The following GAB1 variants were observed in gnomAD, a reference collection of about 807,000 sequenced individuals.
GAB1 encodes the protein GRB2 associated binding protein 1.
GAB1 carries 19 observed loss-of-function variants against 66.5 expected under a neutral mutation model. The observed-to-expected ratio is 0.29, with a 90% CI of 0.20 to 0.42. The LOEUF is 0.42. Among genes scored for constraint, GAB1 ranks in the 10% least tolerant of loss-of-function variants. The pLI is 1.00. For synonymous variants in GAB1, 294 were observed against 301.4 expected, an observed-to-expected ratio of 0.98 and a Z score of 0.25; for missense variants, 732 against 858.5, an observed-to-expected ratio of 0.85 and a Z score of 1.84.
chr4:143,352,072 G>A (rs1560713934), intron 1 of GAB1, among the ~76,000 whole-genome samples: 1 of 152,170 alleles, frequency 6.6e-6, no homozygotes, highest in Non-Finnish European at 1.5e-5. Flanking sequence ...CTCTCTCCAA[G>A]GATCTGTTGT....
rs576320049 is a variant in GAB1, at chr4:143,453,226, A to G, written c.1586-6159A>G. Among the ~76,000 whole-genome samples the G allele has an allele frequency of 3.3e-5, 5 of 152,284 alleles. No individual in the cohort carries two copies. The East Asian group carries it at 9.6e-4, about 29-fold the overall frequency. ...TTTCCACATTTTAGCTTCTGCCCTAAAATTAACCTTAAGCTTTGCACAGAG... is the reference window on the plus strand; with the variant it reads ...TTTCCACATTTTAGCTTCTGCCCTAGAATTAACCTTAAGCTTTGCACAGAG... On this transcript the variant is annotated intron_variant, in intron 6 of 9. Coordinates refer to ENST00000262994, the MANE Select transcript of GAB1 (RefSeq NM_002039.4).
At chr4:143,390,036 A>C (rs181301438) in intron 1 of GAB1, among the ~76,000 whole-genome samples, 1 of 152,210 alleles carries the variant, frequency 6.6e-6, no homozygotes, top group African/African-American at 2.4e-5. Context: ...AGGCTCTTTC[A>C]TAATAAACAT....
chr4:143,388,086 C>A (rs538444073), intron 1 of GAB1, among the ~76,000 whole-genome samples: 5 of 152,288 alleles, frequency 3.3e-5, no homozygotes, highest in East Asian at 3.9e-4. Context: ...GCCCCTACCC[C>A]CTTCCCTTAC....
chr4:143,417,482 A>G, intron 2 of GAB1: 1 of 386,410 alleles, frequency 2.6e-6, no homozygotes, highest in South Asian at 2.0e-5. Context: ...ATCTCTGCTC[A>G]CTGCAACCTC....
intron 1 of GAB1, among the ~76,000 whole-genome samples, chr4:143,373,824 T>C (rs909718762): frequency 7.8e-5 from 4 of 51,512 alleles, no homozygotes; most frequent in African/African-American, 4.0e-4. Context: ...AGTGAAACCC[T>C]CTCTCTCTCT....
intron 1 of GAB1, among the ~76,000 whole-genome samples, chr4:143,383,926 C>G (rs546310379): frequency 6.6e-6 from 1 of 152,156 alleles, no homozygotes; most frequent in Admixed American, 6.5e-5. Flanking sequence ...AGTGAAAAAA[C>G]TACCCGGGCG....
chr4:143,465,576 G>A (rs759783091), intron 8 of GAB1, among the ~76,000 whole-genome samples: 12 of 152,110 alleles, frequency 7.9e-5, no homozygotes, highest in Admixed American at 2.0e-4. Flanking sequence ...TCCTTAGGTA[G>A]TAATTTTCCT....
At chr4:143,416,875 A>G (rs892768004) in intron 2 of GAB1, among the ~76,000 whole-genome samples, 1 of 152,252 alleles carries the variant, frequency 6.6e-6, no homozygotes, top group African/African-American at 2.4e-5. Context: ...GTCATCGCCA[A>G]GGTCTGATTG....
chr4:143,462,145 A>G (rs1174245944), intron 8 of GAB1, among the ~76,000 whole-genome samples: 2 of 151,990 alleles, frequency 1.3e-5, no homozygotes, highest in African/African-American at 2.4e-5. Context: ...CAATATATCA[A>G]TAATGTTTTC....
chr4:143,393,668 C>T (rs985815289), intron 1 of GAB1, among the ~76,000 whole-genome samples: 4 of 151,844 alleles, frequency 2.6e-5, no homozygotes, highest in Non-Finnish European at 5.9e-5. Flanking sequence ...GGTGAGTGTC[C>T]GCATTATTAA....
chr4:143,432,944 T>G (rs1405740668), intron 2 of GAB1, among the ~76,000 whole-genome samples: 1 of 152,202 alleles, frequency 6.6e-6, no homozygotes, highest in African/African-American at 2.4e-5. Context: ...AGAAGCTGTT[T>G]CCTTGAACAT....
intron 1 of GAB1, 118 bp downstream of exon 1, chr4:143,337,378 T>C: frequency 1.2e-6 from 1 of 846,166 alleles, no homozygotes; most frequent in South Asian, 1.6e-5. Context: ...AATGCCGGTC[T>C]CTTTCCCCTT....
rs1450090382 is a variant in GAB1 at position 143,448,865 on chromosome 4, CT to C, written c.1585+8487del. 1.1e-4 allele frequency among the ~76,000 whole-genome samples: 16 copies of C among 150,684 alleles called. No homozygotes were observed. The East Asian group carries it at 3.1e-3, about 29-fold the overall frequency. On this transcript the variant is annotated intron_variant, in intron 6 of 9. Transcript: ENST00000262994. ...TGTGTTTGCTCTTGCTTTTCTAGTT[CT>C]TTTAATTGTGATGTTAGGGTGTCAA...
intron 1 of GAB1, chr4:143,380,705 G>A (rs1442616605): frequency 2.0e-5 from 3 of 152,180 alleles, no homozygotes; most frequent in Non-Finnish European, 4.4e-5. Flanking sequence ...ACAGGCTTGA[G>A]CCACCACTCC....
intron 2 of GAB1, among the ~76,000 whole-genome samples, chr4:143,428,680 A>G (rs1401137490): frequency 1.3e-5 from 2 of 152,146 alleles, no homozygotes; most frequent in East Asian, 3.8e-4. Flanking sequence ...AGAACTTAAA[A>G]ACAACTAATG....
intron 1 of GAB1, among the ~76,000 whole-genome samples, chr4:143,374,553 T>C (rs1730331999): frequency 6.6e-6 from 1 of 152,202 alleles, no homozygotes; most frequent in Non-Finnish European, 1.5e-5. Flanking sequence ...GAGTGTCAAA[T>C]TTCTTGCCTT....
At position 143,436,580 on chromosome 4, in the gene GAB1, T is replaced by C. The variant is rs150622430; in HGVS notation, c.594-1419T>C. Among the ~76,000 whole-genome samples the C allele has an allele frequency of 1.5e-3, 230 of 152,064 alleles. 1 individual carries two copies. The highest frequency in any genetic ancestry group is 5.2e-3 in the African/African-American group (215 of 41,476). ...GAACTTGGGATGGTGGCAATGGGAA[T>C]AGAACAAGGGAATAAGTACGCGGCT... On this transcript the variant is annotated intron_variant, in intron 3 of 9. Coordinates refer to ENST00000262994, the MANE Select transcript of GAB1 (RefSeq NM_002039.4).
intron 6 of GAB1, among the ~76,000 whole-genome samples, chr4:143,456,247 G>A (rs188631959): frequency 6.9e-4 from 105 of 152,278 alleles, no homozygotes; most frequent in Non-Finnish European, 1.3e-3. Context: ...CACAAGGTCA[G>A]GAGATCGAGA....
intron 1 of GAB1, among the ~76,000 whole-genome samples, chr4:143,378,629 GTCTC>G (rs3049720): frequency 0.12 from 15,218 of 129,014 alleles, 878 homozygotes; most frequent in Non-Finnish European, 0.15. Flanking sequence ...CTTCCAAAGT[GTCTC>G]TCTCTCTCTC....
Sources: allele counts gnomAD v4.1 joint callset (sites outside exome capture counted in the v4.1 genomes callset), GRCh38; gene constraint gnomAD v4.1.1; transcripts MANE v1.5; gene names NCBI Gene and HGNC (gene_info 2026-07-23, HGNC 2026-07-21).